The following MACROD2 variants were observed in gnomAD, a reference collection of about 807,000 sequenced individuals.
The protein encoded by MACROD2 is mono-ADP ribosylhydrolase 2.
A neutral mutation model predicts 70.4 loss-of-function variants in MACROD2; 36 were observed. The observed-to-expected ratio is 0.51, with a 90% confidence interval of 0.39 to 0.68. The LOEUF is 0.68. Among genes scored for constraint, MACROD2 ranks in the 30% least tolerant of loss-of-function variants. The pLI, the probability that MACROD2 is intolerant of heterozygous loss-of-function variation, is 0.00. For synonymous variants in MACROD2, 172 were observed against 178.8 expected (o/e 0.96, Z 0.30); for missense variants, 496 against 538.4 (o/e 0.92, Z 0.78).
chr20:14,438,507 G>T (rs1051227185), intron 3 of MACROD2, among the ~76,000 whole-genome samples: 1 of 152,158 alleles, frequency 6.6e-6, no homozygotes, highest in African/African-American at 2.4e-5. Flanking sequence ...CATAATGGCT[G>T]TAGCAATTTA....
At chr20:13,998,920 A>C (rs1388898460) in intron 1 of MACROD2, among the ~76,000 whole-genome samples, 3 of 150,962 alleles carry the variant, frequency 2.0e-5, no homozygotes, top group Non-Finnish European at 2.9e-5. Flanking sequence ...GCGCCACTGC[A>C]CTACAGCCTG....
chr20:15,138,762 T>A (rs1204478223), intron 5 of MACROD2, among the ~76,000 whole-genome samples: 1 of 152,170 alleles, frequency 6.6e-6, no homozygotes. Context: ...GTGATAAAAA[T>A]TAATGTGTTG....
chr20:15,508,553 C>A (rs761532025), intron 8 of MACROD2, among the ~76,000 whole-genome samples: 1 of 152,144 alleles, frequency 6.6e-6, no homozygotes, highest in South Asian at 2.1e-4. Flanking sequence ...ATTTTAAAAT[C>A]TTTAATTTCC....
rs994305189 is a variant in MACROD2 at position 15,447,055 on chromosome 20, T to C, written c.571+15620T>C. On this transcript the variant is annotated intron_variant, in intron 7 of 17. Transcript: ENST00000684519. ...GTACTGGGACCTAAGAGTGTGCGTG[T>C]GTGTGTGTGTGTGTGTGTGTGTGTG... is the stretch of plus-strand genomic sequence containing the variant. 5.5e-4 allele frequency among the ~76,000 whole-genome samples: 35 copies of C among 64,012 alleles called. 1 individual carries two copies. Among genetic ancestry groups the C allele is most frequent in the African/African-American group, 1.2e-3 (33 of 26,986 alleles). 42.0% of individuals were successfully genotyped at this position (64,012 alleles called of 152,430 possible). A position where few individuals can be genotyped will look rare whatever the true frequency, so the allele number is the denominator to read the frequency against.
chr20:15,443,142 A>G (rs2046517614), intron 7 of MACROD2, among the ~76,000 whole-genome samples: 1 of 152,130 alleles, frequency 6.6e-6, no homozygotes, highest in Non-Finnish European at 1.5e-5. Flanking sequence ...TGGAGGCATC[A>G]ATCGCAATTT....
At chr20:15,160,229 G>T (rs1402509528) in intron 5 of MACROD2, among the ~76,000 whole-genome samples, 1 of 152,006 alleles carries the variant, frequency 6.6e-6, no homozygotes, top group African/African-American at 2.4e-5. Flanking sequence ...ATTAAGAAGA[G>T]AAACCCCCAA....
At chr20:15,568,350 G>C (rs1003232547) in intron 8 of MACROD2, among the ~76,000 whole-genome samples, 2 of 152,218 alleles carry the variant, frequency 1.3e-5, no homozygotes, top group Non-Finnish European at 2.9e-5. Context: ...GCATTAGTCA[G>C]TGTAGGCTAG....
chr20:15,371,282 T>C (rs912589425), intron 6 of MACROD2, among the ~76,000 whole-genome samples: 1 of 152,120 alleles, frequency 6.6e-6, no homozygotes, highest in Non-Finnish European at 1.5e-5. Context: ...ATTAAAATAG[T>C]GGTTTTCAAA....
intron 5 of MACROD2, among the ~76,000 whole-genome samples, chr20:14,959,576 C>G (rs986560400): frequency 6.6e-6 from 1 of 151,048 alleles, no homozygotes; most frequent in Non-Finnish European, 1.5e-5. Context: ...GGCTGGAACA[C>G]AAGGGGATAA....
intron 5 of MACROD2, among the ~76,000 whole-genome samples, chr20:15,136,370 A>G (rs939104426): frequency 4.6e-5 from 7 of 152,122 alleles, no homozygotes; most frequent in Admixed American, 4.6e-4. Flanking sequence ...AGACATATAG[A>G]TCAGTGGAAC....
At chr20:15,631,059 T>C (rs755920976) in intron 8 of MACROD2, among the ~76,000 whole-genome samples, 4 of 152,208 alleles carry the variant, frequency 2.6e-5, no homozygotes, top group Middle Eastern at 3.2e-3. Context: ...AACTAAAAAT[T>C]AGTTTGTTTT....
At chr20:15,730,116 C>T (rs1317364996) in intron 8 of MACROD2, among the ~76,000 whole-genome samples, 4 of 152,182 alleles carry the variant, frequency 2.6e-5, no homozygotes, top group African/African-American at 9.7e-5. Flanking sequence ...GCATGAGCCA[C>T]CATGTCCAGC....
At chr20:14,749,146 A>G (rs1461746979) in intron 5 of MACROD2, among the ~76,000 whole-genome samples, 1 of 152,074 alleles carries the variant, frequency 6.6e-6, no homozygotes, top group Admixed American at 6.6e-5. Flanking sequence ...GGACTTATTC[A>G]TTTTACCTGG....
chr20:15,092,192 G>A (rs2075797563), intron 5 of MACROD2, among the ~76,000 whole-genome samples: 1 of 151,968 alleles, frequency 6.6e-6, no homozygotes, highest in Non-Finnish European at 1.5e-5. Context: ...TAGGTTTGTA[G>A]AGCAAATAGA....
chr20:14,966,828 T>A (rs2423880), intron 5 of MACROD2, among the ~76,000 whole-genome samples: 34,120 of 152,082 alleles, frequency 0.22, 5,260 homozygotes, highest in African/African-American at 0.4. Context: ...ACAGGCATTT[T>A]TTTATCACTG....
chr20:14,432,713 A>G (rs1165695339), intron 3 of MACROD2, among the ~76,000 whole-genome samples: 1 of 152,078 alleles, frequency 6.6e-6, no homozygotes, highest in East Asian at 1.9e-4. Flanking sequence ...AGAGTCTGTC[A>G]TCTGTAGTCA....
intron 2 of MACROD2, among the ~76,000 whole-genome samples, chr20:14,039,235 C>G (rs748362688): frequency 1.3e-5 from 2 of 151,986 alleles, no homozygotes; most frequent in Admixed American, 1.3e-4. Flanking sequence ...GTTGACCATC[C>G]TAGAGACCAT....
At chr20:15,571,733 A>C (rs1262518013) in intron 8 of MACROD2, among the ~76,000 whole-genome samples, 1 of 152,092 alleles carries the variant, frequency 6.6e-6, no homozygotes, top group Non-Finnish European at 1.5e-5. Flanking sequence ...TGTTATTTGA[A>C]CTTGGAAACA....
intron 8 of MACROD2, among the ~76,000 whole-genome samples, chr20:15,787,672 G>T (rs2051952713): frequency 6.6e-6 from 1 of 152,054 alleles, no homozygotes; most frequent in Admixed American, 6.5e-5. Flanking sequence ...GAAATACATA[G>T]TTTGCCCATA....
Sources: allele counts gnomAD v4.1 joint callset (sites outside exome capture counted in the v4.1 genomes callset), GRCh38; gene constraint gnomAD v4.1.1; transcripts MANE v1.5; gene names NCBI Gene and HGNC (gene_info 2026-07-23, HGNC 2026-07-21).